Variants in SRRM1 observed in about 807,000 individuals in gnomAD.
SRRM1 encodes serine and arginine repetitive matrix 1.
Under a neutral mutation model 110.2 loss-of-function variants are expected in SRRM1, and 19 were observed. That is an observed-to-expected ratio of 0.17 (90% CI 0.12 to 0.25). The LOEUF (loss-of-function observed/expected upper bound fraction) is 0.25. Ranked by LOEUF, SRRM1 falls within the 10% of genes least tolerant of loss-of-function variation. The pLI is 1.00. For synonymous variants in SRRM1, 443 were observed against 414.9 expected (o/e 1.07, Z -0.82); for missense variants, 918 against 1,145.8 (o/e 0.80, Z 2.87).
intron 13 of SRRM1, among the ~76,000 whole-genome samples, chr1:24,667,413 A>G (rs1670544858): frequency 6.6e-6 from 1 of 152,234 alleles, no homozygotes; most frequent in Admixed American, 6.5e-5. Context: ...TAAAGAGAAA[A>G]TTTAGAGGAT....
At chr1:24,651,328 A>G (rs1660536154) in intron 5 of SRRM1, 81 bp from the exon 6 acceptor site, 2 of 1,140,296 alleles carry the variant, frequency 1.8e-6, no homozygotes, top group Non-Finnish European at 1.3e-6. Flanking sequence ...GTAACTAAAG[A>G]TTAATCCTCA....
chr1:24,658,208 AT>A (rs573100578), intron 9 of SRRM1, among the ~76,000 whole-genome samples: 362 of 137,490 alleles, frequency 2.6e-3, no homozygotes, highest in Middle Eastern at 3.8e-3. Flanking sequence ...GATGGTATAA[AT>A]TTTTTTTTTT....
chr1:24,666,087 G>A (rs1158560710), intron 12 of SRRM1, among the ~76,000 whole-genome samples: 2 of 152,290 alleles, frequency 1.3e-5, no homozygotes, highest in East Asian at 3.9e-4. Flanking sequence ...AAAAACACCT[G>A]GCTGGACCTT....
chr1:24,659,062 C>T (rs1048922945), intron 9 of SRRM1, among the ~76,000 whole-genome samples: 13 of 152,044 alleles, frequency 8.6e-5, no homozygotes, highest in Admixed American at 8.5e-4. Context: ...GCGTGGTTGG[C>T]GCATGCCTGT....
intron 7 of SRRM1, 78 bp from the exon 8 acceptor site, chr1:24,652,835 T>C (rs1661780523): frequency 2.0e-6 from 3 of 1,499,258 alleles, no homozygotes; most frequent in South Asian, 2.7e-5. Flanking sequence ...ATTTTTTAGA[T>C]GTGGCCATTG....
intron 13 of SRRM1, among the ~76,000 whole-genome samples, chr1:24,668,847 A>G (rs1429169411): frequency 6.6e-6 from 1 of 152,234 alleles, no homozygotes. Context: ...AAGATTGACA[A>G]ATTCACATCT....
Position 24,651,589 on chromosome 1 carries a change from A to C in SRRM1, c.702A>C (p.Ser234=). ...CTTCAGTGAAAGTAAAAGAACCTTC[A>C]GTACAAGAGGCTACTTCTACTAGGC... ...PEPSVKVKEP[S]VQEATSTSDI... is the part of the protein sequence containing the mutation. The change falls in exon 6 of 17, where the codon TCA becomes TCC. Residue 234 remains serine (S), a synonymous_variant. Coordinates refer to ENST00000323848, the MANE Select transcript of SRRM1 (RefSeq NM_005839.4). 1 of 1,612,170 alleles carries C rather than the reference A, an allele frequency of 6.2e-7. No individual in the cohort carries two copies. The highest frequency in any genetic ancestry group is 8.5e-7 in the Non-Finnish European group (1 of 1,179,654).
chr1:24,643,384 G>T (rs761140868), intron 1 of SRRM1, 37 bp downstream of exon 1: 1 of 1,535,248 alleles, frequency 6.5e-7, no homozygotes, highest in African/African-American at 1.4e-5. Flanking sequence ...TGAGGCCAGG[G>T]ACTTCTCGGT....
At position 24,671,610 on chromosome 1, in the gene SRRM1, T is replaced by C; in HGVS notation, c.2610+15T>C. The C allele has an allele frequency of 6.4e-7, 1 of 1,558,312 alleles. No homozygotes were observed. Among genetic ancestry groups the C allele is most frequent in the East Asian group, 2.3e-5 (1 of 44,310 alleles). Reference sequence around the variant, plus strand: ...AGCCGAAGAAGGTATTTATGAACTCTGTATATGGCTGTCTTGCAGTTTACG... The same window carrying C: ...AGCCGAAGAAGGTATTTATGAACTCCGTATATGGCTGTCTTGCAGTTTACG... On this transcript the variant is annotated intron_variant, in intron 16 of 16. Transcript: ENST00000323848.
Position 24,669,344 on chromosome 1 carries a change from C to T in SRRM1, c.1961C>T (p.Pro654Leu). The T allele has an allele frequency of 2.5e-6, 4 of 1,614,204 alleles. No homozygotes were observed. Among genetic ancestry groups the T allele is most frequent in the Non-Finnish European group, 3.4e-6 (4 of 1,180,032 alleles). Residue 654 changes from proline to leucine, a missense_variant, in exon 14 of 17, where the codon CCT becomes CTT. Physicochemically the swap from Pro to Leu is moderately conservative, Grantham distance 98 (BLOSUM62 -3). Transcript: ENST00000323848. ...TCCCCAGTCACCAAGAGACGTTCAC[C>T]TTCATTATCATCCAAGCATAGGAAA... The part of the protein sequence containing the change: ...RSSPVTKRRS[P>L]SLSSKHRKGS...
At chr1:24,664,987 G>A (rs1669187700) in intron 12 of SRRM1, among the ~76,000 whole-genome samples, 1 of 147,512 alleles carries the variant, frequency 6.8e-6, no homozygotes, top group Non-Finnish European at 1.5e-5. Context: ...GGATGTTTTT[G>A]TTTTGTTTCT....
chr1:24,652,731 C>A, intron 7 of SRRM1, 103 bp downstream of exon 7: 1 of 1,324,916 alleles, frequency 7.5e-7, no homozygotes, highest in Non-Finnish European at 1.0e-6. Flanking sequence ...ATGTTTAGTA[C>A]AAATATTTTT....
intron 14 of SRRM1, 101 bp from the exon 15 acceptor site, chr1:24,670,019 A>G: frequency 9.5e-7 from 1 of 1,048,900 alleles, no homozygotes; most frequent in Non-Finnish European, 1.4e-6. Context: ...TAAGTGGTAT[A>G]TTTGAAATTC....
chr1:24,670,500 T>A (rs1228013414), intron 15 of SRRM1, among the ~76,000 whole-genome samples, 185 bp downstream of exon 15: 1 of 149,510 alleles, frequency 6.7e-6, no homozygotes, highest in African/African-American at 2.6e-5. Flanking sequence ...TGTCCATCTG[T>A]TTTTTGTTTG....
At chr1:24,662,542 ATGGCCTGTATACATGCTTGCT>A in intron 11 of SRRM1, 97 bp from the exon 12 acceptor site, 1 of 816,810 alleles carries the variant, frequency 1.2e-6, no homozygotes, top group Non-Finnish European at 1.9e-6. Flanking sequence ...TTCAGAACTG[ATGGCCTGTATACATGCTTGCT>A]TACCCTAGTG....
At position 24,654,908 on chromosome 1, in the gene SRRM1, C is replaced by G. The variant is rs770754387; in HGVS notation, c.1094C>G (p.Ser365Cys). Residue 365 changes from serine to cysteine, a missense_variant, in exon 9 of 17, where the codon TCT (serine) becomes TGT (cysteine). By Grantham distance (112) the Ser-to-Cys change is moderately radical (BLOSUM62 -1). Transcript: ENST00000323848. ...GGGAGTAGCTCATCATCCTCTTCATCTCGTTCACGGTCACCACCAAAGAAG... is the reference window on the plus strand; with the variant it reads ...GGGAGTAGCTCATCATCCTCTTCATGTCGTTCACGGTCACCACCAAAGAAG... ...LSGSSSSSSS[S>C]RSRSPPKKPP... 10 of 1,614,208 alleles carry G rather than the reference C, an allele frequency of 6.2e-6. No individual in the cohort carries two copies. The South Asian group carries it at 1.1e-4, about 18-fold the overall frequency.
Position 24,655,202 on chromosome 1 carries a change from G to C in SRRM1, c.1315+73G>C. 2.0e-6 allele frequency: 3 copies of C among 1,498,658 alleles called. No homozygotes were observed. The South Asian group carries it at 3.5e-5, about 18-fold the overall frequency. The allele number at this position is 1,498,658 out of a possible 1,614,324, so 92.8% of individuals were successfully genotyped here. A position where few individuals can be genotyped will look rare whatever the true frequency, so the allele number is the denominator to read the frequency against. On this transcript the variant is annotated intron_variant, in intron 9 of 16. Transcript: ENST00000323848. Reference sequence around the variant, plus strand: ...AAAGCGTAGTCAGTTATTGCCCCCTGCTCACTCTCAAAGTATGAAATAGCT... The same window carrying C: ...AAAGCGTAGTCAGTTATTGCCCCCTCCTCACTCTCAAAGTATGAAATAGCT...
chr1:24,669,543 C>T lies in SRRM1; in HGVS notation c.2160C>T (p.Pro720=). 3 of 1,604,794 alleles carry T rather than the reference C, an allele frequency of 1.9e-6. No individual in the cohort carries two copies. The highest frequency in any genetic ancestry group is 2.6e-6 in the Non-Finnish European group (3 of 1,175,412). ...AGTCCCCGTCTCCAAGTACTAGGCCCATTAGGAGAGTCTCCAGGACTCCGG... is the reference window on the plus strand; with the variant it reads ...AGTCCCCGTCTCCAAGTACTAGGCCTATTAGGAGAGTCTCCAGGACTCCGG... ...RRQSPSPSTR[P]IRRVSRTPEP... Residue 720 remains proline (P), a synonymous_variant, in exon 14 of 17, where the codon CCC becomes CCT. Transcript: ENST00000323848.
At chr1:24,655,982 G>A (rs1441634207) in intron 9 of SRRM1, among the ~76,000 whole-genome samples, 1 of 152,148 alleles carries the variant, frequency 6.6e-6, no homozygotes, top group Non-Finnish European at 1.5e-5. Flanking sequence ...GCATGAGCCT[G>A]TGGTCCCAGC....
Sources: allele counts gnomAD v4.1 joint callset (sites outside exome capture counted in the v4.1 genomes callset), GRCh38; gene constraint gnomAD v4.1.1; transcripts MANE v1.5; gene names NCBI Gene and HGNC (gene_info 2026-07-23, HGNC 2026-07-21).